Variants in TNFRSF21 observed in about 807,000 individuals in gnomAD.
TNFRSF21 encodes tumor necrosis factor receptor superfamily member 21.
In TNFRSF21, 19 loss-of-function variants were observed where a neutral mutation model predicts 45.6. The ratio of observed to expected loss-of-function variants is 0.42; its 90% CI spans 0.29 to 0.61. The LOEUF (loss-of-function observed/expected upper bound fraction) is 0.61, where lower values mean the gene tolerates loss of function less well. Ranked by LOEUF, TNFRSF21 falls within the 20% of genes least tolerant of loss-of-function variation. The probability of loss-of-function intolerance (pLI) is 0.23; values close to 1 mark genes in which losing one functional copy is unlikely to be tolerated. For synonymous variants in TNFRSF21, 314 were observed against 335.5 expected (o/e 0.94, Z 0.70); for missense variants, 737 against 851.5 (o/e 0.87, Z 1.67).
chr6:47,238,319 T>G (rs923964990), intron 4 of TNFRSF21, among the ~76,000 whole-genome samples: 2 of 152,252 alleles, frequency 1.3e-5, no homozygotes, highest in African/African-American at 2.4e-5. Flanking sequence ...AAGGCAGATA[T>G]TAAGAAAACG....
intron 1 of TNFRSF21, among the ~76,000 whole-genome samples, chr6:47,287,517 AT>A (rs1418032061): frequency 6.6e-6 from 1 of 151,952 alleles, no homozygotes; most frequent in Non-Finnish European, 1.5e-5. Context: ...TTTAAGAATT[AT>A]TTATCACAGA....
intron 3 of TNFRSF21, among the ~76,000 whole-genome samples, chr6:47,258,333 G>A (rs1379475906): frequency 6.6e-6 from 1 of 150,600 alleles, no homozygotes; most frequent in South Asian, 2.1e-4. Flanking sequence ...TTGTACCACC[G>A]CACCCCAGCC....
At chr6:47,294,152 T>C (rs1762765281) in intron 1 of TNFRSF21, among the ~76,000 whole-genome samples, 1 of 152,182 alleles carries the variant, frequency 6.6e-6, no homozygotes, top group Non-Finnish European at 1.5e-5. Context: ...TGTTTTGTTT[T>C]GTTTTGTTTT....
chr6:47,235,182 T>C (rs1025126059), intron 4 of TNFRSF21, among the ~76,000 whole-genome samples: 13 of 152,042 alleles, frequency 8.6e-5, no homozygotes, highest in Non-Finnish European at 2.9e-5. Flanking sequence ...AGGAGAAAGA[T>C]CCCCGATTTA....
At position 47,253,403 on chromosome 6, in the gene TNFRSF21, G is replaced by T; in HGVS notation, c.1362C>A (p.Ala454=). The change falls in exon 4 of 6, where the codon GCC becomes GCA. Residue 454 remains alanine, a synonymous_variant. Coordinates refer to ENST00000296861, the MANE Select transcript of TNFRSF21 (RefSeq NM_014452.5). ...EVAAFSNGYT[A]DHERAYAALQ... ...GAGCTGCGTAGGCCCGCTCGTGGTCGGCTGTGTACCCATTGGAGAAAGCAG... is the reference window on the plus strand; with the variant it reads ...GAGCTGCGTAGGCCCGCTCGTGGTCTGCTGTGTACCCATTGGAGAAAGCAG... The T allele has an allele frequency of 1.2e-6, 2 of 1,614,152 alleles. No homozygotes were observed. Among genetic ancestry groups the T allele is most frequent in the East Asian group, 4.5e-5 (2 of 44,880 alleles).
Position 47,284,254 on chromosome 6 carries a change from G to T in TNFRSF21, c.927C>A (p.Ile309=). The change falls in exon 3 of 6, where the codon ATC becomes ATA. Residue 309 remains isoleucine (I), a synonymous_variant. Coordinates refer to ENST00000296861, the MANE Select transcript of TNFRSF21 (RefSeq NM_014452.5). ...NHQQGPHHRH[I]LKLLPSMEAT... is the part of the protein sequence containing the mutation. ...CCTCCATGGACGGCAGCAGCTTCAGGATGTGTCTGTGGTGGGGGCCTTGCT... is the reference window on the plus strand; with the variant it reads ...CCTCCATGGACGGCAGCAGCTTCAGTATGTGTCTGTGGTGGGGGCCTTGCT... 6.2e-7 allele frequency: 1 copy of T among 1,613,644 alleles called. No homozygotes were observed. Among genetic ancestry groups the T allele is most frequent in the Non-Finnish European group, 8.5e-7 (1 of 1,179,716 alleles).
intron 1 of TNFRSF21, among the ~76,000 whole-genome samples, chr6:47,308,045 TCCA>T (rs1762964490): frequency 6.6e-6 from 1 of 152,216 alleles, no homozygotes; most frequent in Non-Finnish European, 1.5e-5. Flanking sequence ...CTGCTTACCA[TCCA>T]CCACACTTGT....
chr6:47,246,440 A>T (rs1764826179), intron 4 of TNFRSF21, among the ~76,000 whole-genome samples: 1 of 152,234 alleles, frequency 6.6e-6, no homozygotes, highest in Non-Finnish European at 1.5e-5. Flanking sequence ...TGGAGACTGT[A>T]TAGGACTTGC....
At chr6:47,239,410 T>A (rs983867123) in intron 4 of TNFRSF21, among the ~76,000 whole-genome samples, 1 of 151,472 alleles carries the variant, frequency 6.6e-6, no homozygotes, top group Non-Finnish European at 1.5e-5. Context: ...CTGGTGGAGG[T>A]TGCAGTATTC....
intron 2 of TNFRSF21, among the ~76,000 whole-genome samples, chr6:47,284,894 C>T (rs551996209): frequency 6.6e-6 from 1 of 152,184 alleles, no homozygotes; most frequent in African/African-American, 2.4e-5. Flanking sequence ...AATTCAAATG[C>T]AAATTTGACT....
In TNFRSF21 at chr6:47,241,082, G is replaced by A. The variant is rs968117708; in HGVS notation, c.1510-6184C>T. 1.2e-3 allele frequency among the ~76,000 whole-genome samples: 179 copies of A among 152,110 alleles called. 1 individual carries two copies. Among genetic ancestry groups the A allele is most frequent in the African/African-American group, 4.0e-3 (167 of 41,516 alleles). On this transcript the variant is annotated intron_variant, in intron 4 of 5. Coordinates refer to ENST00000296861, the MANE Select transcript of TNFRSF21 (RefSeq NM_014452.5). ...TACAGGCATATAAGATGGGCTCTGG[G>A]AGGAAAAAAAGGCATATTTTCTTTG...
chr6:47,277,979 C>T (rs1762521735), intron 3 of TNFRSF21, among the ~76,000 whole-genome samples: 1 of 152,184 alleles, frequency 6.6e-6, no homozygotes. Flanking sequence ...AGCACCTAAG[C>T]ATTTACGAAG....
At chr6:47,248,858 C>T (rs1406420295) in intron 4 of TNFRSF21, among the ~76,000 whole-genome samples, 1 of 152,192 alleles carries the variant, frequency 6.6e-6, no homozygotes, top group Non-Finnish European at 1.5e-5. Context: ...GCCTCCAGAG[C>T]CTGGAAATAA....
chr6:47,234,932 A>G (rs1326268268), intron 4 of TNFRSF21, 34 bp from the exon 5 acceptor site: 1 of 1,180,498 alleles, frequency 8.5e-7, no homozygotes, highest in Admixed American at 4.1e-5. Flanking sequence ...TATTATATAT[A>G]GAAAAAAAAA....
intron 3 of TNFRSF21, 51 bp from the exon 4 acceptor site, chr6:47,253,572 C>G (rs1764936342): frequency 6.3e-7 from 1 of 1,584,894 alleles, no homozygotes; most frequent in Non-Finnish European, 8.5e-7. Flanking sequence ...AGGGAAGCTT[C>G]TTACATAAGG....
In TNFRSF21 at chr6:47,309,400, C is replaced by G; in HGVS notation, c.96+16G>C. 1 of 1,529,244 alleles carries G rather than the reference C, an allele frequency of 6.5e-7. No homozygotes were observed. The highest frequency in any genetic ancestry group is 8.7e-7 in the Non-Finnish European group (1 of 1,144,454). 94.7% of individuals were successfully genotyped at this position (1,529,244 alleles called of 1,614,324 possible). A position where few individuals can be genotyped will look rare whatever the true frequency, so the allele number is the denominator to read the frequency against. On this transcript the variant is annotated intron_variant, in intron 1 of 5. Transcript: ENST00000296861. ...CTCCGGCGCCGCCGCCACCCCCGGT[C>G]CACGCAAGCGCTCACCAGGAGAAGG...
intron 1 of TNFRSF21, among the ~76,000 whole-genome samples, chr6:47,287,293 G>C (rs1762663514): frequency 9.1e-6 from 1 of 109,608 alleles, no homozygotes; most frequent in Non-Finnish European, 1.7e-5. Flanking sequence ...GGTGACAAGA[G>C]TGAAACTCTT....
At chr6:47,233,028 A>G (rs1764611204) in intron 5 of TNFRSF21, 34 bp from the exon 6 acceptor site, 2 of 1,605,166 alleles carry the variant, frequency 1.2e-6, no homozygotes, top group South Asian at 2.2e-5. Flanking sequence ...AGACAGCTGT[A>G]AGGTGACTGT....
chr6:47,260,899 A>G (rs1292692887), intron 3 of TNFRSF21, among the ~76,000 whole-genome samples: 1 of 152,224 alleles, frequency 6.6e-6, no homozygotes, highest in African/African-American at 2.4e-5. Flanking sequence ...GTCAGTTCTC[A>G]TTATTCTTCT....
Sources: gnomAD v4.1 joint callset for allele counts (sites outside exome capture counted in the v4.1 genomes callset) on GRCh38, gnomAD v4.1.1 for gene constraint, MANE v1.5 for transcripts, NCBI Gene and HGNC (gene_info 2026-07-23, HGNC 2026-07-21) for gene names.